The following NAA16 variants were observed in gnomAD, a reference collection of about 807,000 sequenced individuals.
NAA16 encodes N-alpha-acetyltransferase 16, NatA auxiliary subunit.
A neutral mutation model predicts 110.3 loss-of-function variants in NAA16; 97 were observed. The ratio of observed to expected loss-of-function variants is 0.88; its 90% confidence interval spans 0.75 to 1.04. NAA16 has a LOEUF of 1.04. Ranked by LOEUF, NAA16 falls within the 50% of genes least tolerant of loss-of-function variation. The pLI, the probability that NAA16 is intolerant of heterozygous loss-of-function variation, is 0.00. For synonymous variants in NAA16, 372 were observed against 330.6 expected, an observed-to-expected ratio of 1.13 and a Z score of -1.36; for missense variants, 1,017 against 1,005.1, an observed-to-expected ratio of 1.01 and a Z score of -0.16.
At chr13:41,331,516 G>A (rs1007817113) in intron 8 of NAA16, 147 bp downstream of exon 8, 24 of 495,326 alleles carry the variant, frequency 4.8e-5, no homozygotes, top group African/African-American at 4.5e-4. Context: ...TATATGTTAA[G>A]AGTGTGATAC....
At position 41,369,050 on chromosome 13, in the gene NAA16, A is replaced by G. The variant is rs201010300; in HGVS notation, c.1754-40A>G. On this transcript the variant is annotated intron_variant, in intron 14 of 19. Coordinates refer to ENST00000379406, the MANE Select transcript of NAA16 (RefSeq NM_024561.5). ...TTACAGAAGAATATGAAGAAAATGC[A>G]AACATTGGCTCAGAATTTTGTTCAT... 9.2e-4 allele frequency: 1,402 copies of G among 1,523,156 alleles called. 4 individuals carry two copies. Among genetic ancestry groups the G allele is most frequent in the Non-Finnish European group, 1.2e-3 (1,335 of 1,138,376 alleles). 94.4% of individuals were successfully genotyped at this position (1,523,156 alleles called of 1,614,324 possible).
Position 41,320,660 on chromosome 13 carries a change from T to G in NAA16, c.245-7T>G. 1 of 1,592,526 alleles carries G rather than the reference T, an allele frequency of 6.3e-7. No homozygotes were observed. Among genetic ancestry groups the G allele is most frequent in the Non-Finnish European group, 8.5e-7 (1 of 1,171,822 alleles). On this transcript the variant is annotated splice_polypyrimidine_tract_variant and splice_region_variant and intron_variant, in intron 3 of 19. Transcript: ENST00000379406. ...CTGTGTATGTCTTTGTTTCCTTAAC[T>G]TAATAGGTTGGCATGTATATGGACT...
At chr13:41,356,359 G>A (rs1419099977) in intron 10 of NAA16, among the ~76,000 whole-genome samples, 1 of 151,992 alleles carries the variant, frequency 6.6e-6, no homozygotes, top group Non-Finnish European at 1.5e-5. Context: ...CAGACTTACT[G>A]TTTCATCTGT....
At position 41,355,708 on chromosome 13, in the gene NAA16, G is replaced by A. The variant is rs1367823114; in HGVS notation, c.1087+492G>A. ...CTCCCAAAGTGCTGGGATTACAGGC[G>A]TGAGCCACCACACCTGGGCTTAACC... On this transcript the variant is annotated intron_variant, in intron 10 of 19. Coordinates refer to ENST00000379406, the MANE Select transcript of NAA16 (RefSeq NM_024561.5). 5.3e-5 allele frequency among the ~76,000 whole-genome samples: 8 copies of A among 152,202 alleles called. No individual in the cohort carries two copies. The South Asian group carries it at 6.2e-4, about 12-fold the overall frequency.
At chr13:41,327,763 A>G (rs1193318381) in intron 6 of NAA16, 1 of 140,288 alleles carries the variant, frequency 7.1e-6, no homozygotes, top group East Asian at 1.9e-4. Flanking sequence ...GCAGACATTT[A>G]TATGTATTCA....
intron 8 of NAA16, among the ~76,000 whole-genome samples, chr13:41,333,386 A>G (rs1484468362): frequency 6.6e-6 from 1 of 152,090 alleles, no homozygotes; most frequent in African/African-American, 2.4e-5. Context: ...GAAATTTTTC[A>G]TGACCCCAAA....
chr13:41,372,725 GAC>G lies in NAA16; in HGVS notation c.2057-3_2057-2del, dbSNP rs2139520089. 1.9e-6 allele frequency: 3 copies of G among 1,583,608 alleles called. No homozygotes were observed. Among genetic ancestry groups the G allele is most frequent in the African/African-American group, 2.7e-5 (2 of 74,016 alleles). ...ATGCTATTACTTTTGTATTTTTTCT[GAC>G]ACAGGAAAGTTTCTGTTAATGCTGC... On this transcript the variant is annotated splice_region_variant and splice_polypyrimidine_tract_variant and intron_variant, in intron 16 of 19. Transcript: ENST00000379406.
intron 7 of NAA16, among the ~76,000 whole-genome samples, chr13:41,330,567 A>G (rs1234492139): frequency 6.6e-6 from 1 of 152,050 alleles, no homozygotes; most frequent in African/African-American, 2.4e-5. Flanking sequence ...TGAATTATGC[A>G]GGATATTATT....
intron 5 of NAA16, among the ~76,000 whole-genome samples, chr13:41,324,447 C>G (rs1276616977): frequency 7.4e-6 from 1 of 136,002 alleles, no homozygotes; most frequent in Non-Finnish European, 1.5e-5. Flanking sequence ...GCAATCTCGG[C>G]TCACTGCAAC....
At chr13:41,328,655 T>G (rs2042154928) in intron 6 of NAA16, 69 bp from the exon 7 acceptor site, 3 of 1,287,110 alleles carry the variant, frequency 2.3e-6, no homozygotes, top group Admixed American at 4.0e-5. Flanking sequence ...TGATAATGTT[T>G]AGTGAAGTCC....
intron 8 of NAA16, among the ~76,000 whole-genome samples, chr13:41,334,881 ATG>A (rs2139425546): frequency 7.2e-6 from 1 of 139,736 alleles, no homozygotes; most frequent in South Asian, 2.5e-4. Flanking sequence ...GAGCCAAAAT[ATG>A]TGTGGGAGAT....
chr13:41,323,641 C>T (rs1015551030), intron 5 of NAA16, among the ~76,000 whole-genome samples: 14 of 151,746 alleles, frequency 9.2e-5, no homozygotes, highest in African/African-American at 2.4e-4. Flanking sequence ...CGTGAGCCAC[C>T]GCGCCCGGCC....
chr13:41,328,207 A>G (rs919813161), intron 6 of NAA16, among the ~76,000 whole-genome samples: 2 of 152,130 alleles, frequency 1.3e-5, no homozygotes, highest in Non-Finnish European at 2.9e-5. Context: ...TGACCTGTAC[A>G]TGAACATGGC....
chr13:41,349,992 A>G (rs1358405498), intron 9 of NAA16, among the ~76,000 whole-genome samples: 1 of 151,216 alleles, frequency 6.6e-6, no homozygotes, highest in Non-Finnish European at 1.5e-5. Context: ...ACATGAAACC[A>G]AAATGTGCCA....
At chr13:41,359,049 TTCAG>T in intron 12 of NAA16, 87 bp downstream of exon 12, 1 of 1,171,764 alleles carries the variant, frequency 8.5e-7, no homozygotes, top group East Asian at 2.4e-5. Context: ...TGTGAAGAAC[TTCAG>T]TGGAAGTTCA....
intron 12 of NAA16, 92 bp from the exon 13 acceptor site, chr13:41,361,939 A>G (rs758178927): frequency 1.9e-5 from 26 of 1,397,874 alleles, no homozygotes; most frequent in Non-Finnish European, 2.6e-5. Context: ...CTATTGTCAT[A>G]ATAGTACTGT....
intron 4 of NAA16, 152 bp from the exon 5 acceptor site, chr13:41,322,904 G>A: frequency 1.4e-6 from 1 of 726,286 alleles, no homozygotes; most frequent in South Asian, 1.7e-5. Flanking sequence ...TAGTATTTTA[G>A]GTAGGAAACA....
At chr13:41,353,739 C>CCTAG (rs2042903335) in intron 9 of NAA16, among the ~76,000 whole-genome samples, 1 of 150,424 alleles carries the variant, frequency 6.6e-6, no homozygotes, top group Non-Finnish European at 1.5e-5. Flanking sequence ...TGCACTCCAG[C>CCTAG]CTAGGTGACA....
intron 15 of NAA16, among the ~76,000 whole-genome samples, chr13:41,371,900 A>T (rs191215374): frequency 3.3e-5 from 5 of 152,284 alleles, no homozygotes; most frequent in African/African-American, 1.2e-4. Flanking sequence ...TTTATAGCAG[A>T]TAGGGGATTG....
Sources: gnomAD v4.1 joint callset for allele counts (sites outside exome capture counted in the v4.1 genomes callset) on GRCh38, gnomAD v4.1.1 for gene constraint, MANE v1.5 for transcripts, NCBI Gene and HGNC (gene_info 2026-07-23, HGNC 2026-07-21) for gene names.